Variants in COL24A1 observed in about 807,000 individuals in gnomAD.
The protein encoded by COL24A1 is collagen type XXIV alpha 1 chain, also known as collagen alpha-1(XXIV) chain.
Under a neutral mutation model 253.9 loss-of-function variants are expected in COL24A1, and 224 were observed. The ratio of observed to expected loss-of-function variants is 0.88; its 90% confidence interval spans 0.79 to 0.99. The LOEUF (loss-of-function observed/expected upper bound fraction) is 0.99, where lower values mean the gene tolerates loss of function less well. Among genes scored for constraint, COL24A1 ranks in the 50% least tolerant of loss-of-function variants. The probability of loss-of-function intolerance (pLI) is 0.00; values close to 1 mark genes in which losing one functional copy is unlikely to be tolerated. For synonymous variants in COL24A1, 685 were observed against 673.7 expected (o/e 1.02, Z -0.26); for missense variants, 2,131 against 2,068.5 (o/e 1.03, Z -0.59).
rs11354091 is a variant in COL24A1 at position 85,944,594 on chromosome 1, CTT to C, written c.2562+16653_2562+16654del. Among the ~76,000 whole-genome samples, 1,239 of 151,134 alleles carry C rather than the reference CTT, an allele frequency of 8.2e-3. 23 individuals are homozygous for C. The highest frequency in any genetic ancestry group is 0.028 in the African/African-American group (1,150 of 41,182). On this transcript the variant is annotated intron_variant, in intron 24 of 59. Coordinates refer to ENST00000370571, the MANE Select transcript of COL24A1 (RefSeq NM_152890.7). ...ACTTCCTCTGTGTAGAGAAGAGACT[CTT>C]TTTTTTTTATTATTATTATACTTTA...
intron 35 of COL24A1, among the ~76,000 whole-genome samples, chr1:85,869,877 G>A (rs1680237978): frequency 6.6e-6 from 1 of 152,148 alleles, no homozygotes; most frequent in South Asian, 2.1e-4. Flanking sequence ...TGGGCTAAAT[G>A]CTCCAACTAA....
chr1:85,768,398 A>G (rs1667593034), intron 53 of COL24A1, among the ~76,000 whole-genome samples: 1 of 152,166 alleles, frequency 6.6e-6, no homozygotes. Flanking sequence ...TATGTAGAGA[A>G]TAGATCGTAG....
intron 46 of COL24A1, 23 bp downstream of exon 46, chr1:85,818,011 G>A (rs768764830): frequency 1.1e-5 from 17 of 1,609,160 alleles, no homozygotes; most frequent in Admixed American, 1.7e-5. Flanking sequence ...AAGCAAGAAA[G>A]ATGAAAGAGG....
chr1:85,944,085 T>C (rs1689004167), intron 24 of COL24A1, among the ~76,000 whole-genome samples: 1 of 152,240 alleles, frequency 6.6e-6, no homozygotes, highest in Non-Finnish European at 1.5e-5. Flanking sequence ...TCTACAGATC[T>C]CAGCTCTTTG....
At chr1:86,077,953 G>C (rs1702371687) in intron 7 of COL24A1, among the ~76,000 whole-genome samples, 1 of 151,898 alleles carries the variant, frequency 6.6e-6, no homozygotes, top group Admixed American at 6.6e-5. Flanking sequence ...TGCACATTCT[G>C]CACATGTATC....
chr1:86,030,881 A>C (rs529720070), intron 14 of COL24A1, among the ~76,000 whole-genome samples: 1 of 151,916 alleles, frequency 6.6e-6, no homozygotes, highest in East Asian at 1.9e-4. Flanking sequence ...CATAGGCATG[A>C]GCCACCATGC....
chr1:85,792,246 A>G (rs2101678217), intron 47 of COL24A1, among the ~76,000 whole-genome samples: 1 of 152,188 alleles, frequency 6.6e-6, no homozygotes, highest in African/African-American at 2.4e-5. Context: ...CTAGGATATT[A>G]AATTGGGTTA....
intron 37 of COL24A1, among the ~76,000 whole-genome samples, chr1:85,862,096 T>C (rs1215347731): frequency 6.6e-6 from 1 of 152,226 alleles, no homozygotes; most frequent in East Asian, 1.9e-4. Flanking sequence ...AGTTGGCTTT[T>C]CTACCCATAA....
intron 18 of COL24A1, 134 bp from the exon 19 acceptor site, chr1:86,017,338 T>C (rs1697093455): frequency 2.5e-6 from 2 of 809,712 alleles, no homozygotes; most frequent in African/African-American, 1.9e-5. Context: ...AATGACTTTT[T>C]AGAAAAATTT....
chr1:85,897,167 C>G (rs905658521), intron 28 of COL24A1, among the ~76,000 whole-genome samples: 1 of 152,054 alleles, frequency 6.6e-6, no homozygotes, highest in African/African-American at 2.4e-5. Flanking sequence ...AACCAAACAC[C>G]GCATTTTCTC....
rs538253078 is a variant in COL24A1, at chr1:85,735,068, CT to C, written c.4783-105del. ...TCCTTCAAAGGCAGCCTCCAGAAAG[CT>C]CCTTTCCTTGGAACTGAAGTGCCAG... On this transcript the variant is annotated intron_variant, in intron 58 of 59. Coordinates refer to ENST00000370571, the MANE Select transcript of COL24A1 (RefSeq NM_152890.7). 147 of 1,049,372 alleles carry C rather than the reference CT, an allele frequency of 1.4e-4. No individual in the cohort carries two copies. The African/African-American group carries it at 2.2e-3, about 16-fold the overall frequency. The allele number at this position is 1,049,372 out of a possible 1,614,324, so 65.0% of individuals were successfully genotyped here.
intron 24 of COL24A1, among the ~76,000 whole-genome samples, chr1:85,948,423 C>G (rs985066413): frequency 4.8e-5 from 7 of 145,896 alleles, no homozygotes; most frequent in Non-Finnish European, 7.5e-5. Flanking sequence ...ACTCGGGAGG[C>G]TGAGGCAGGA....
rs1348494082 is a variant in COL24A1, at chr1:86,125,199, TTG to T, written c.1135_1136del (p.Gln379ThrfsTer2). 4 of 1,613,414 alleles carry T rather than the reference TTG, an allele frequency of 2.5e-6. No individual in the cohort carries two copies. The Admixed American group carries it at 5.0e-5, about 20-fold the overall frequency. ...SLLNMSDNIT[Q>X]HDDRVTGLSL... Reference sequence around the variant, plus strand: ...ACAGACCAGTTACTCTATCATCATGTTGTGTGATATTGTCAGACATGTTTAGG... The same window carrying T: ...ACAGACCAGTTACTCTATCATCATGTTGTGATATTGTCAGACATGTTTAGG... On this transcript the variant is annotated frameshift_variant, in exon 3 of 60. Transcript: ENST00000370571. LOFTEE classifies it high-confidence loss of function.
At chr1:86,102,596 T>G (rs1218580945) in intron 5 of COL24A1, among the ~76,000 whole-genome samples, 1 of 152,192 alleles carries the variant, frequency 6.6e-6, no homozygotes, top group Non-Finnish European at 1.5e-5. Context: ...TCTCATTAGT[T>G]TCAAAGAACT....
chr1:86,077,079 T>C (rs1702304848), intron 7 of COL24A1, among the ~76,000 whole-genome samples: 1 of 152,186 alleles, frequency 6.6e-6, no homozygotes, highest in Non-Finnish European at 1.5e-5. Context: ...GAGAAAATTT[T>C]TGCAATCTAT....
chr1:86,148,123 G>A (rs1296080857), intron 1 of COL24A1, among the ~76,000 whole-genome samples: 1 of 152,096 alleles, frequency 6.6e-6, no homozygotes, highest in Non-Finnish European at 1.5e-5. Context: ...CCTCCTGTTT[G>A]GATCTTTTTA....
At chr1:86,136,107 C>T (rs1650210321) in intron 2 of COL24A1, among the ~76,000 whole-genome samples, 1 of 152,092 alleles carries the variant, frequency 6.6e-6, no homozygotes, top group African/African-American at 2.4e-5. Flanking sequence ...ATTCTCTTTC[C>T]TCCATATCCA....
chr1:85,868,761 A>G (rs746359045), intron 36 of COL24A1, 21 bp downstream of exon 36: 2 of 1,487,458 alleles, frequency 1.3e-6, no homozygotes, highest in South Asian at 2.6e-5. Flanking sequence ...TTTTATATAT[A>G]ATCTTAAAAG....
intron 5 of COL24A1, among the ~76,000 whole-genome samples, chr1:86,105,853 A>G (rs910457124): frequency 3.3e-5 from 5 of 152,154 alleles, no homozygotes; most frequent in Non-Finnish European, 5.9e-5. Context: ...GTTCTCCAGG[A>G]GTCGCTGGGG....
Sources: allele counts gnomAD v4.1 joint callset (sites outside exome capture counted in the v4.1 genomes callset), GRCh38; gene constraint gnomAD v4.1.1; transcripts MANE v1.5; gene names NCBI Gene and HGNC (gene_info 2026-07-23, HGNC 2026-07-21).